SLC12A7: variants seen among roughly 807,000 people sequenced by gnomAD.
The protein encoded by SLC12A7 is K-Cl cotransporter 4.
SLC12A7 carries 100 observed loss-of-function variants against 120.6 expected under a neutral mutation model. That is an observed-to-expected ratio of 0.83 (90% confidence interval 0.71 to 0.98). The LOEUF (loss-of-function observed/expected upper bound fraction) is 0.98, where lower values mean the gene tolerates loss of function less well. Among genes scored for constraint, SLC12A7 ranks in the 50% least tolerant of loss-of-function variants. The pLI, the probability that SLC12A7 is intolerant of heterozygous loss-of-function variation, is 0.00. For synonymous variants in SLC12A7, 760 were observed against 678.0 expected (o/e 1.12, Z -1.88); for missense variants, 1,373 against 1,548.1 (o/e 0.89, Z 1.90).
At chr5:1,147,208 CAGAA>C in the SLC12A7 span, among the ~76,000 whole-genome samples, 2 of 151,276 alleles carry the variant, frequency 1.3e-5, no homozygotes, top group East Asian at 3.9e-4. Flanking sequence ...CCCACGGTGA[CAGAA>C]GGGAGGAGGG....
intron 12 of SLC12A7, among the ~76,000 whole-genome samples, chr5:1,077,604 C>T (rs976338845): frequency 2.0e-5 from 3 of 152,224 alleles, no homozygotes; most frequent in Admixed American, 6.5e-5. Context: ...CTGACACACC[C>T]GGGGCCGAGC....
intron 17 of SLC12A7, among the ~76,000 whole-genome samples, chr5:1,066,337 T>G (rs1417556089): frequency 1.3e-5 from 2 of 152,120 alleles, no homozygotes; most frequent in Non-Finnish European, 2.9e-5. Flanking sequence ...TTCACTGGCT[T>G]CTGGTTTGGA....
chr5:1,091,735 G>A (rs979586952), intron 3 of SLC12A7, among the ~76,000 whole-genome samples: 1 of 150,290 alleles, frequency 6.7e-6, no homozygotes, highest in African/African-American at 2.5e-5. Flanking sequence ...GTCCACGTGC[G>A]GCACGGCAAT....
the SLC12A7 span, among the ~76,000 whole-genome samples, chr5:1,131,439 A>C: frequency 2.6e-5 from 4 of 152,198 alleles, no homozygotes; most frequent in Non-Finnish European, 4.4e-5. Context: ...GATTCTACAC[A>C]ATCCTAGCAC....
At chr5:1,080,071 C>T (rs892034303) in intron 9 of SLC12A7, among the ~76,000 whole-genome samples, 3 of 152,188 alleles carry the variant, frequency 2.0e-5, no homozygotes, top group Non-Finnish European at 4.4e-5. Flanking sequence ...CCTGAAGCAC[C>T]CATTGCTCGG....
rs373994532 is a variant in SLC12A7, at chr5:1,108,877, G to C, written c.124+2991C>G. On this transcript the variant is annotated intron_variant, in intron 1 of 23. Transcript: ENST00000264930. The stretch of plus-strand genomic sequence containing the variant: ...CGGGCAGGCCACTGACCACGCAACC[G>C]GGCCTCTGTCAGCGGCCAGGGGCAG... Among the ~76,000 whole-genome samples, 45 of 152,294 alleles carry C rather than the reference G, an allele frequency of 3.0e-4. 2 individuals carry two copies. The highest frequency in any genetic ancestry group is 8.4e-4 in the African/African-American group (35 of 41,590).
At position 1,063,903 on chromosome 5, in the gene SLC12A7, CCTT is replaced by C; in HGVS notation, c.2677_2679del (p.Lys893del). 2.5e-6 allele frequency: 4 copies of C among 1,611,618 alleles called. No homozygotes were observed. The highest frequency in any genetic ancestry group is 3.4e-6 in the Non-Finnish European group (4 of 1,179,452). On this transcript the variant is annotated inframe_deletion, in exon 20 of 24. Transcript: ENST00000264930. Reference sequence around the variant, plus strand: ...AAGTGGTACAAGAACATCTGCAGGTCCTTCTTCATCTGGATGCTGTTGTCGTCC... The same window carrying C: ...AAGTGGTACAAGAACATCTGCAGGTCCTTCATCTGGATGCTGTTGTCGTCC...
At chr5:1,063,821 C>G in intron 20 of SLC12A7, 23 bp downstream of exon 20, 1 of 1,360,952 alleles carries the variant, frequency 7.3e-7, no homozygotes, top group East Asian at 2.6e-5. Flanking sequence ...CCGGCCTCCT[C>G]CCCTCAAGCC....
At position 1,060,443 on chromosome 5, in the gene SLC12A7, G is replaced by A. The variant is rs762666635; in HGVS notation, c.2748C>T (p.Asn916=). The change falls in exon 21 of 24, where the codon AAC becomes AAT. Residue 916 remains asparagine (N), a synonymous_variant. Coordinates refer to ENST00000264930, the MANE Select transcript of SLC12A7 (RefSeq NM_006598.3). ...AEVEVVEMVE[N]DISAFTYERT... is the part of the protein sequence containing the mutation. Reference sequence around the variant, plus strand: ...TCTCGTAGGTGAAAGCAGATATGTCGTTTTCAACCTAGAAAGTTCCCAAGC... The same window carrying A: ...TCTCGTAGGTGAAAGCAGATATGTCATTTTCAACCTAGAAAGTTCCCAAGC... 23 of 1,612,784 alleles carry A rather than the reference G, an allele frequency of 1.4e-5. No homozygotes were observed. Among genetic ancestry groups the A allele is most frequent in the South Asian group, 1.3e-4 (12 of 91,076 alleles).
At chr5:1,059,495 G>A (rs13152999) in intron 21 of SLC12A7, among the ~76,000 whole-genome samples, 57,503 of 152,140 alleles carry the variant, frequency 0.38, 12,310 homozygotes, top group Non-Finnish European at 0.49. Context: ...ATACCAGCCT[G>A]GTGGGACCCA....
the SLC12A7 span, among the ~76,000 whole-genome samples, chr5:1,118,399 A>G: frequency 6.6e-6 from 1 of 152,260 alleles, no homozygotes; most frequent in African/African-American, 2.4e-5. Flanking sequence ...ACACTGGGAA[A>G]CGTTTCAGTG....
At chr5:1,099,779 T>A (rs1338476346) in intron 1 of SLC12A7, among the ~76,000 whole-genome samples, 1 of 152,172 alleles carries the variant, frequency 6.6e-6, no homozygotes, top group Non-Finnish European at 1.5e-5. Flanking sequence ...GCCAAGCTCA[T>A]GGTCTCCCCA....
At chr5:1,106,990 C>T (rs1342822348) in intron 1 of SLC12A7, among the ~76,000 whole-genome samples, 1 of 152,208 alleles carries the variant, frequency 6.6e-6, no homozygotes, top group African/African-American at 2.4e-5. Flanking sequence ...CTTCGCCCAC[C>T]CTGTACTGAC....
intron 20 of SLC12A7, 71 bp from the exon 21 acceptor site, chr5:1,060,522 T>G: frequency 8.5e-7 from 1 of 1,181,232 alleles, no homozygotes. Flanking sequence ...ACCAGCCCGG[T>G]ACCCAGAGAC....
At chr5:1,119,401 G>T in the SLC12A7 span, among the ~76,000 whole-genome samples, 1 of 152,190 alleles carries the variant, frequency 6.6e-6, no homozygotes. Context: ...CCAGACACCC[G>T]CTAGGGCCCC....
At chr5:1,105,711 G>A (rs1742475860) in intron 1 of SLC12A7, among the ~76,000 whole-genome samples, 1 of 152,202 alleles carries the variant, frequency 6.6e-6, no homozygotes, top group African/African-American at 2.4e-5. Flanking sequence ...CTCTGCCCTT[G>A]TCCCTGGGCA....
intron 1 of SLC12A7, among the ~76,000 whole-genome samples, chr5:1,094,978 C>T (rs1199693236): frequency 7.4e-6 from 1 of 134,956 alleles, no homozygotes; most frequent in Non-Finnish European, 1.7e-5. Context: ...GGCCCGATGG[C>T]CCATGTGACG....
chr5:1,078,147 C>A, intron 11 of SLC12A7, 140 bp from the exon 12 acceptor site: 1 of 1,071,640 alleles, frequency 9.3e-7, no homozygotes, highest in South Asian at 1.7e-5. Context: ...CTCCAGTCCC[C>A]GTTGGCTGAA....
intron 9 of SLC12A7, 140 bp from the exon 10 acceptor site, chr5:1,079,636 C>T (rs1033128095): frequency 1.9e-5 from 13 of 681,256 alleles, no homozygotes; most frequent in East Asian, 7.7e-5. Context: ...GTCCAAGCTC[C>T]GCCAGCCCAC....
Sources: allele counts gnomAD v4.1 joint callset (sites outside exome capture counted in the v4.1 genomes callset), GRCh38; gene constraint gnomAD v4.1.1; transcripts MANE v1.5; gene names NCBI Gene and HGNC (gene_info 2026-07-23, HGNC 2026-07-21).